The following PDE1A variants were observed in gnomAD, a reference collection of about 807,000 sequenced individuals.
The protein encoded by PDE1A is dual specificity calcium/calmodulin-dependent 3',5'-cyclic nucleotide phosphodiesterase 1A.
In PDE1A, 35 loss-of-function variants were observed where a neutral mutation model predicts 61.7. That is an observed-to-expected ratio of 0.57 (90% CI 0.43 to 0.75). The LOEUF (loss-of-function observed/expected upper bound fraction) is 0.75, where lower values mean the gene tolerates loss of function less well. Among genes scored for constraint, PDE1A ranks in the 30% least tolerant of loss-of-function variants. The pLI is 0.00. For missense variants in PDE1A, 597 were observed against 630.6 expected (o/e 0.95, Z 0.57); for synonymous variants, 232 against 213.2 (o/e 1.09, Z -0.77).
chr2:182,626,766 TATATACATATATATACATATATATAC>T, the PDE1A span, among the ~76,000 whole-genome samples: 155 of 7,330 alleles, frequency 0.021, 13 homozygotes, highest in African/African-American at 0.033. Flanking sequence ...TATATACATA[TATATACATATATATACATATATATAC>T]ATATATATAC....
At chr2:182,552,317 C>A in the PDE1A span, among the ~76,000 whole-genome samples, 4 of 152,138 alleles carry the variant, frequency 2.6e-5, no homozygotes, top group Non-Finnish European at 5.9e-5. Context: ...AAATTTTCAG[C>A]TCTTCCTTCA....
At chr2:182,346,080 T>C (rs768658896) in intron 1 of PDE1A, among the ~76,000 whole-genome samples, 13 of 152,296 alleles carry the variant, frequency 8.5e-5, no homozygotes, top group Non-Finnish European at 1.6e-4. Flanking sequence ...CTGTATGTCT[T>C]ACCAAAAACA....
intron 1 of PDE1A, among the ~76,000 whole-genome samples, chr2:182,357,010 A>G (rs1472814306): frequency 6.6e-6 from 1 of 152,090 alleles, no homozygotes; most frequent in Non-Finnish European, 1.5e-5. Flanking sequence ...GAAGGGGAAC[A>G]TCACACACCG....
At chr2:182,225,599 T>G (rs1253334714) in intron 6 of PDE1A, among the ~76,000 whole-genome samples, 1 of 151,944 alleles carries the variant, frequency 6.6e-6, no homozygotes. Context: ...GGAAAATAAG[T>G]TATTTACCCT....
chr2:182,664,195 G>A, the PDE1A span, among the ~76,000 whole-genome samples: 1 of 152,138 alleles, frequency 6.6e-6, no homozygotes. Flanking sequence ...ATAGTTTGGT[G>A]CAAATCACTT....
the PDE1A span, among the ~76,000 whole-genome samples, chr2:182,688,825 T>G: frequency 6.6e-6 from 1 of 152,020 alleles, no homozygotes; most frequent in Non-Finnish European, 1.5e-5. Flanking sequence ...AATAAAGGGA[T>G]GGAGGAAGAT....
chr2:182,247,585 C>T (rs1417156886), intron 2 of PDE1A, among the ~76,000 whole-genome samples: 1 of 152,218 alleles, frequency 6.6e-6, no homozygotes, highest in Non-Finnish European at 1.5e-5. Context: ...TCTGTGTCTT[C>T]TTCCGTCTGA....
At chr2:182,454,022 T>G (rs546337933) in intron 2 of PDE1A, among the ~76,000 whole-genome samples, 1 of 151,974 alleles carries the variant, frequency 6.6e-6, no homozygotes, top group Admixed American at 6.6e-5. Flanking sequence ...GAAAACCCCA[T>G]TGTCTCAGCC....
At chr2:182,274,678 G>A (rs937385841) in intron 1 of PDE1A, among the ~76,000 whole-genome samples, 3 of 152,034 alleles carry the variant, frequency 2.0e-5, no homozygotes, top group Non-Finnish European at 4.4e-5. Flanking sequence ...CAATTTGATT[G>A]ATTCTCTCTC....
chr2:182,424,834 CT>C (rs1211544139), intron 1 of PDE1A, among the ~76,000 whole-genome samples: 9 of 152,192 alleles, frequency 5.9e-5, no homozygotes, highest in Non-Finnish European at 1.3e-4. Context: ...TCACATACAG[CT>C]TTAATCTGTT....
intron 1 of PDE1A, among the ~76,000 whole-genome samples, chr2:182,322,422 T>C (rs1422224601): frequency 6.6e-6 from 1 of 152,170 alleles, no homozygotes; most frequent in Non-Finnish European, 1.5e-5. Flanking sequence ...ATAATGAATA[T>C]GTCTCAAGAG....
At chr2:182,674,787 C>T in the PDE1A span, among the ~76,000 whole-genome samples, 1 of 151,970 alleles carries the variant, frequency 6.6e-6, no homozygotes. Flanking sequence ...TTCTTCTGTA[C>T]ATCTTTTTTG....
At chr2:182,461,915 C>T (rs1686313848) in intron 2 of PDE1A, among the ~76,000 whole-genome samples, 1 of 152,076 alleles carries the variant, frequency 6.6e-6, no homozygotes, top group African/African-American at 2.4e-5. Flanking sequence ...ACTAGTTTTT[C>T]CCAGAAGCCC....
chr2:182,308,048 C>T (rs745582980), intron 1 of PDE1A, among the ~76,000 whole-genome samples: 2 of 152,096 alleles, frequency 1.3e-5, no homozygotes, highest in Admixed American at 6.6e-5. Context: ...AAGACACTGA[C>T]AGTTAAATGA....
chr2:182,444,880 C>T (rs1685032848), intron 2 of PDE1A, among the ~76,000 whole-genome samples: 1 of 152,074 alleles, frequency 6.6e-6, no homozygotes, highest in South Asian at 2.1e-4. Flanking sequence ...GGAAAAAGAA[C>T]TCTTCAAAAA....
At chr2:182,602,241 G>C in the PDE1A span, among the ~76,000 whole-genome samples, 1 of 152,220 alleles carries the variant, frequency 6.6e-6, no homozygotes, top group Admixed American at 6.5e-5. Context: ...GGCAGCTGCA[G>C]CAACACCTGG....
At chr2:182,379,623 A>C (rs1041113849) in intron 1 of PDE1A, among the ~76,000 whole-genome samples, 1 of 152,242 alleles carries the variant, frequency 6.6e-6, no homozygotes, top group African/African-American at 2.4e-5. Context: ...TTAGAACAAA[A>C]TGTATAGTAA....
chr2:182,304,446 A>G (rs964705131), intron 1 of PDE1A, among the ~76,000 whole-genome samples: 2 of 152,172 alleles, frequency 1.3e-5, no homozygotes, highest in African/African-American at 2.4e-5. Context: ...TTCCTTCAAG[A>G]ACTTTTCCTT....
At chr2:182,620,335 T>G in the PDE1A span, among the ~76,000 whole-genome samples, 2 of 152,228 alleles carry the variant, frequency 1.3e-5, no homozygotes, top group Non-Finnish European at 2.9e-5. Context: ...TTTATTGCTT[T>G]CAGACATCTG....
Sources: allele counts gnomAD v4.1 joint callset (sites outside exome capture counted in the v4.1 genomes callset), GRCh38; gene constraint gnomAD v4.1.1; transcripts MANE v1.5; gene names NCBI Gene and HGNC (gene_info 2026-07-23, HGNC 2026-07-21).